The following VPS13C variants were observed in gnomAD, a reference collection of about 807,000 sequenced individuals.
The protein encoded by VPS13C is vacuolar protein sorting 13 homolog C, also known as intermembrane lipid transfer protein VPS13C.
VPS13C carries 358 observed loss-of-function variants against 456.8 expected under a neutral mutation model. The observed-to-expected ratio is 0.78, with a 90% CI of 0.72 to 0.86. VPS13C has a LOEUF of 0.86. VPS13C is among the 40% of genes least tolerant of loss of function. The pLI, the probability that VPS13C is intolerant of heterozygous loss-of-function variation, is 0.00. For synonymous variants in VPS13C, 1,578 were observed against 1,486.7 expected, an observed-to-expected ratio of 1.06 and a Z score of -1.41; for missense variants, 4,818 against 4,385.4, an observed-to-expected ratio of 1.10 and a Z score of -2.79.
At chr15:61,940,843 A>C (rs375206058) in intron 46 of VPS13C, 49 bp from the exon 47 acceptor site, 11 of 1,555,502 alleles carry the variant, frequency 7.1e-6, no homozygotes, top group Admixed American at 1.8e-5. Flanking sequence ...TACATTTTAA[A>C]ATGAGGACTA....
At chr15:61,878,777 A>G in intron 73 of VPS13C, 31 bp from the exon 74 acceptor site, 1 of 1,574,906 alleles carries the variant, frequency 6.3e-7, no homozygotes, top group Non-Finnish European at 8.6e-7. Flanking sequence ...AATAAATGAA[A>G]GCTAAAAGTG....
rs1300920967 is a variant in VPS13C, at chr15:61,945,802, A to G, written c.5061T>C (p.Ala1687=). Reference sequence around the variant, plus strand: ...GTTTGCCGTCTACTTTGGACATATCAGCATAGGCCTCTCCTTCTGTGGCAT... The same window carrying G: ...GTTTGCCGTCTACTTTGGACATATCGGCATAGGCCTCTCCTTCTGTGGCAT... ...YPDATEGEAY[A]DMSKVDGKLS... is the part of the protein sequence containing the mutation. The change falls in exon 45 of 85, where the codon GCT becomes GCC. Residue 1687 remains alanine, a synonymous_variant. Transcript: ENST00000644861. The G allele has an allele frequency of 1.2e-6, 2 of 1,613,542 alleles. No homozygotes were observed. The highest frequency in any genetic ancestry group is 1.7e-6 in the Non-Finnish European group (2 of 1,179,726).
intron 25 of VPS13C, 39 bp downstream of exon 25, chr15:61,974,249 A>C (rs749967377): frequency 6.4e-6 from 10 of 1,569,672 alleles, no homozygotes; most frequent in Non-Finnish European, 7.8e-6. Flanking sequence ...GCTCTAAAAC[A>C]ATAAAAATAG....
chr15:62,014,508 C>G (rs1165151839), intron 9 of VPS13C, among the ~76,000 whole-genome samples: 1 of 151,894 alleles, frequency 6.6e-6, no homozygotes, highest in Admixed American at 6.6e-5. Context: ...ACAGTGAGCA[C>G]ATAGGTAAAA....
chr15:62,007,413 C>G lies in VPS13C; in HGVS notation c.1185G>C (p.Trp395Cys). The G allele has an allele frequency of 6.2e-7, 1 of 1,612,860 alleles. No homozygotes were observed. Among genetic ancestry groups the G allele is most frequent in the Non-Finnish European group, 8.5e-7 (1 of 1,179,496 alleles). ...ACTGCCTGTGCTTTTTTATGTTACT[C>G]CATGACCACATCTGTGTATACCTTC... ...HIRRYTQMWS[W>C]SNIKKHRQLL... Residue 395 changes from tryptophan (W) to cysteine (C), a missense_variant, in exon 15 of 85, where the codon TGG becomes TGC. Trp to Cys is a radical substitution (Grantham distance 215, BLOSUM62 -2). Transcript: ENST00000644861.
rs75201111 is a variant in VPS13C, at chr15:61,893,546, A to C, written c.9106-3146T>G. Among the ~76,000 whole-genome samples, 596 of 151,932 alleles carry C rather than the reference A, an allele frequency of 3.9e-3. 4 individuals carry two copies. The highest frequency in any genetic ancestry group is 0.014 in the African/African-American group (562 of 41,402). On this transcript the variant is annotated intron_variant, in intron 66 of 84. Coordinates refer to ENST00000644861, the MANE Select transcript of VPS13C (RefSeq NM_020821.3). Reference sequence around the variant, plus strand: ...ATGAAAAAAAAATTTGGAGGCATATAACTCACTGGTAAAACTAAGTACACA... The same window carrying C: ...ATGAAAAAAAAATTTGGAGGCATATCACTCACTGGTAAAACTAAGTACACA...
chr15:62,018,895 C>T (rs554752242), intron 9 of VPS13C, among the ~76,000 whole-genome samples: 1,704 of 152,158 alleles, frequency 0.011, 29 homozygotes, highest in African/African-American at 0.039. Context: ...TGGTAGAATT[C>T]GGCTGTGAAT....
intron 74 of VPS13C, among the ~76,000 whole-genome samples, chr15:61,878,355 T>A (rs1223307713): frequency 6.6e-6 from 1 of 151,898 alleles, no homozygotes; most frequent in African/African-American, 2.4e-5. Context: ...AAAAATTCAA[T>A]TATTATTCTA....
intron 1 of VPS13C, among the ~76,000 whole-genome samples, chr15:62,046,752 GT>G (rs1206835899): frequency 6.6e-6 from 1 of 152,166 alleles, no homozygotes; most frequent in Non-Finnish European, 1.5e-5. Context: ...AAAGTGGGCT[GT>G]TTCTCCTGCA....
At chr15:62,055,586 T>C (rs771967739) in intron 1 of VPS13C, among the ~76,000 whole-genome samples, 5 of 151,938 alleles carry the variant, frequency 3.3e-5, no homozygotes, top group Non-Finnish European at 7.4e-5. Flanking sequence ...CGCCTATATA[T>C]ACATATATGA....
chr15:61,943,352 A>G lies in VPS13C; in HGVS notation c.5149-1285T>C, dbSNP rs116185746. 5.9e-3 allele frequency among the ~76,000 whole-genome samples: 898 copies of G among 152,288 alleles called. 7 individuals are homozygous for G. Among genetic ancestry groups the G allele is most frequent in the African/African-American group, 0.021 (853 of 41,562 alleles). ...AAGAACAAAGCTGAGGCATCACATT[A>G]CCTGACTTTATACTATACTATAAAG... On this transcript the variant is annotated intron_variant, in intron 45 of 84. Transcript: ENST00000644861.
chr15:61,972,613 A>G lies in VPS13C; in HGVS notation c.2757+12T>C. The G allele has an allele frequency of 6.2e-7, 1 of 1,611,398 alleles. No individual in the cohort carries two copies. The highest frequency in any genetic ancestry group is 1.1e-5 in the South Asian group (1 of 90,946). ...CCAGAATATATCTATTTATAGACAA[A>G]AAAGCACATACTTCTTTAATTTCAA... On this transcript the variant is annotated intron_variant, in intron 27 of 84. Transcript: ENST00000644861.
At chr15:61,897,352 G>GA (rs1281469426) in intron 66 of VPS13C, among the ~76,000 whole-genome samples, 5 of 152,122 alleles carry the variant, frequency 3.3e-5, no homozygotes, top group African/African-American at 1.2e-4. Context: ...TGAAAACTTT[G>GA]AAAAAAATTT....
At chr15:62,044,405 T>C (rs1036118483) in intron 1 of VPS13C, 150 bp from the exon 2 acceptor site, 4 of 491,146 alleles carry the variant, frequency 8.1e-6, no homozygotes, top group Admixed American at 4.2e-5. Flanking sequence ...CGGCACAAAA[T>C]AGTTGCTACA....
rs1214614647 is a variant in VPS13C, at chr15:61,853,705, T to C, written c.*752A>G. ...AGTTCAATTATTGAACAAATCACTCTTAAACAAAATGTCAGGATCCAACAT... is the reference window on the plus strand; with the variant it reads ...AGTTCAATTATTGAACAAATCACTCCTAAACAAAATGTCAGGATCCAACAT... On this transcript the variant is annotated 3_prime_UTR_variant, in exon 85 of 85. Coordinates refer to ENST00000644861, the MANE Select transcript of VPS13C (RefSeq NM_020821.3). 6.6e-6 allele frequency: 1 copy of C among 152,184 alleles called. No homozygotes were observed. Among genetic ancestry groups the C allele is most frequent in the African/African-American group, 2.4e-5 (1 of 41,448 alleles). 9.4% of individuals were successfully genotyped at this position (152,184 alleles called of 1,614,324 possible). A position where few individuals can be genotyped will look rare whatever the true frequency, so the allele number is the denominator to read the frequency against.
chr15:61,962,971 C>A, intron 32 of VPS13C, 119 bp from the exon 33 acceptor site: 1 of 642,842 alleles, frequency 1.6e-6, no homozygotes, highest in Non-Finnish European at 2.4e-6. Flanking sequence ...TTTCAACTCC[C>A]AATGGATAAA....
chr15:62,015,693 G>A (rs1275589277), intron 9 of VPS13C, among the ~76,000 whole-genome samples: 2 of 131,954 alleles, frequency 1.5e-5, no homozygotes, highest in Admixed American at 8.2e-5. Flanking sequence ...ACCAAACACC[G>A]CATATTCTCA....
At position 61,922,440 on chromosome 15, in the gene VPS13C, T is replaced by C. The variant is rs928438281; in HGVS notation, c.6932A>G (p.Asn2311Ser). Residue 2311 changes from asparagine (N) to serine (S), a missense_variant, in exon 54 of 85, where the codon AAT becomes AGT. Asn to Ser is a conservative substitution (Grantham distance 46). This residue lies in a region of VPS13C where 4,552 missense variants were observed against 4,130.6 expected (regional missense o/e 1.10). Transcript: ENST00000644861. Reference sequence around the variant, plus strand: ...AACAGCAGCCATTAGAGAAGTCCAATTTTTAATATTTCCTGAAAACTTAGA... The same window carrying C: ...AACAGCAGCCATTAGAGAAGTCCAACTTTTAATATTTCCTGAAAACTTAGA... ...AESKFSGNIKNWTSLMAAVAD... is the reference protein window; with the variant it reads ...AESKFSGNIKSWTSLMAAVAD... 7.4e-6 allele frequency: 12 copies of C among 1,613,840 alleles called. No homozygotes were observed. The African/African-American group carries it at 9.3e-5, about 13-fold the overall frequency.
intron 67 of VPS13C, among the ~76,000 whole-genome samples, chr15:61,887,949 A>T (rs1896387792): frequency 6.6e-6 from 1 of 152,194 alleles, no homozygotes; most frequent in African/African-American, 2.4e-5. Flanking sequence ...CAAAACACAC[A>T]TCTGATAAAA....
Sources: gnomAD v4.1 joint callset for allele counts (sites outside exome capture counted in the v4.1 genomes callset) on GRCh38, gnomAD v4.1.1 for gene constraint, gnomAD v4.1.1 regional missense constraint, MANE v1.5 for transcripts, NCBI Gene and HGNC (gene_info 2026-07-23, HGNC 2026-07-21) for gene names.